Variants in LONRF3 observed in about 807,000 individuals in gnomAD.
LONRF3 encodes the protein LON peptidase N-terminal domain and ring finger 3.
Under a neutral mutation model 51.7 loss-of-function variants are expected in LONRF3, and 19 were observed. The observed-to-expected ratio is 0.37, with a 90% confidence interval of 0.26 to 0.54. LONRF3 has a LOEUF of 0.54. Among genes scored for constraint, LONRF3 ranks in the 20% least tolerant of loss-of-function variants. The pLI is 0.86. For missense variants in LONRF3, 521 were observed against 623.9 expected (o/e 0.84, Z 1.76); for synonymous variants, 265 against 257.8 (o/e 1.03, Z -0.27).
chrX:118,999,309 G>A (rs759855874), intron 5 of LONRF3, among the ~76,000 whole-genome samples: 2 of 111,724 alleles, frequency 1.8e-5, no homozygotes, highest in South Asian at 3.7e-4. Flanking sequence ...AAATGAGCAG[G>A]TTCCTTTCAC....
chrX:119,006,340 A>T, intron 6 of LONRF3, 105 bp downstream of exon 6: 3 of 474,190 alleles, frequency 6.3e-6, no homozygotes, highest in Non-Finnish European at 1.1e-5. Flanking sequence ...CTGGACCCCC[A>T]GCCACGGCAC....
chrX:118,988,880 A>G (rs1432869187), intron 3 of LONRF3, among the ~76,000 whole-genome samples: 1 of 108,407 alleles, frequency 9.2e-6, no homozygotes, highest in Non-Finnish European at 1.9e-5. Context: ...CCAGTGTAAC[A>G]TACAGACCTG....
At chrX:118,995,593 C>G (rs1404377451) in intron 5 of LONRF3, among the ~76,000 whole-genome samples, 5 of 111,691 alleles carry the variant, frequency 4.5e-5, no homozygotes, top group Non-Finnish European at 9.4e-5. Flanking sequence ...AGACCATTAG[C>G]AAGATTTATC....
intron 10 of LONRF3, among the ~76,000 whole-genome samples, chrX:119,016,350 CT>C (rs10640705): frequency 2.5e-4 from 22 of 88,498 alleles, no homozygotes; most frequent in Admixed American, 5.1e-4. Context: ...TTCTTTCTTT[CT>C]TTTTTTTTTT....
chrX:119,012,288 C>A (rs1249916645), intron 8 of LONRF3, among the ~76,000 whole-genome samples: 1 of 108,904 alleles, frequency 9.2e-6, no homozygotes, highest in Non-Finnish European at 1.9e-5. Flanking sequence ...TGAGTTTGAG[C>A]AAGCTATTTA....
rs997841454 is a variant in LONRF3, at chrX:118,987,113, G to A, written c.1060-2295G>A. 1.4e-5 allele frequency: 16 copies of A among 1,108,182 alleles called. No homozygotes were observed. In the African/African-American group the frequency reaches 1.8e-4, roughly 13 times the overall value. The allele number at this position is 1,108,182 out of a possible 1,213,427, so 91.3% of individuals were successfully genotyped here. ...TCAACTCACCCAGCTCGCTCGTGAC[G>A]CTTCGTTTGGCTGTTTTGTGGGCAA... On this transcript the variant is annotated intron_variant, in intron 3 of 10. Transcript: ENST00000371628.
rs190226937 is a variant in LONRF3, at chrX:119,001,626, A to C, written c.1416-4495A>C. Among the ~76,000 whole-genome samples the C allele has an allele frequency of 3.1e-3, 349 of 112,083 alleles. 2 individuals are homozygous for C. Among genetic ancestry groups the C allele is most frequent in the African/African-American group, 0.011 (329 of 30,839 alleles). ...AATGAATTGAGTATTGAAAAGTGTA[A>C]TGTATTCTAAGCATCTGAACCCTGA... On this transcript the variant is annotated intron_variant, in intron 5 of 10. Coordinates refer to ENST00000371628, the MANE Select transcript of LONRF3 (RefSeq NM_001031855.3).
rs1280115275 is a variant in LONRF3 at position 119,012,920 on chromosome X, G to A, written c.1812-119G>A. The A allele has an allele frequency of 4.2e-6, 5 of 1,203,575 alleles. No homozygotes were observed. In the South Asian group the frequency reaches 9.0e-5, roughly 22 times the overall value. ...TAATTGAAGCTGTAACCCAGGGACA[G>A]GAAAATAGGCAGAAGTCCCTTGAGC... On this transcript the variant is annotated intron_variant, in intron 8 of 10. Transcript: ENST00000371628.
At chrX:119,015,253 A>C (rs764368368) in intron 10 of LONRF3, among the ~76,000 whole-genome samples, 3 of 111,770 alleles carry the variant, frequency 2.7e-5, no homozygotes, top group Admixed American at 9.5e-5. Context: ...AAAAGAAAAA[A>C]TCTCAATATG....
At chrX:118,991,171 G>A (rs1236210922) in intron 5 of LONRF3, among the ~76,000 whole-genome samples, 1 of 111,805 alleles carries the variant, frequency 8.9e-6, no homozygotes, top group Non-Finnish European at 1.9e-5. Flanking sequence ...CTTTTGTTTG[G>A]CCCTCATGGG....
Position 118,974,683 on chromosome X carries a change from C to T in LONRF3, c.-98C>T. 1 of 770,526 alleles carries T rather than the reference C, an allele frequency of 1.3e-6. No individual in the cohort carries two copies. Among genetic ancestry groups the T allele is most frequent in the Non-Finnish European group, 1.8e-6 (1 of 542,904 alleles). 63.5% of individuals were successfully genotyped at this position (770,526 alleles called of 1,213,427 possible). A position where few individuals can be genotyped will look rare whatever the true frequency, so the allele number is the denominator to read the frequency against. On this transcript the variant is annotated 5_prime_UTR_variant, in exon 1 of 11. Transcript: ENST00000371628. ...CGCGGCAGGGTCAGGAGCTCGGTGG[C>T]ATGGCGGCGGTGGCTGCCCCGATTT...
rs776516019 is a variant in LONRF3 at position 118,974,842 on chromosome X, T to C, written c.62T>C (p.Leu21Ser). ...CCCGCTGAGGTCAGCAGCGACAACTTGGAGTCGGCGGAGCGAGGGGCATCA... is the reference window on the plus strand; with the variant it reads ...CCCGCTGAGGTCAGCAGCGACAACTCGGAGTCGGCGGAGCGAGGGGCATCA... ...SLPAEVSSDN[L>S]ESAERGASAA... Residue 21 changes from leucine to serine, a missense_variant, in exon 1 of 11, where the codon TTG becomes TCG. Physicochemically the swap from Leu to Ser is moderately radical, Grantham distance 145. This residue lies in a region of LONRF3 where 376 missense variants were observed against 376.7 expected (regional missense o/e 1.00). Coordinates refer to ENST00000371628, the MANE Select transcript of LONRF3 (RefSeq NM_001031855.3). The C allele has an allele frequency of 2.1e-5, 25 of 1,208,256 alleles. No homozygotes were observed. The highest frequency in any genetic ancestry group is 2.8e-5 in the Non-Finnish European group (25 of 894,343).
chrX:119,002,895 T>C (rs936799157), intron 5 of LONRF3, among the ~76,000 whole-genome samples: 1 of 110,138 alleles, frequency 9.1e-6, no homozygotes, highest in African/African-American at 3.3e-5. Flanking sequence ...ACCTCCTGGG[T>C]TCAAGCGATT....
In LONRF3 at chrX:119,009,314, T is replaced by C. The variant is rs1374596793; in HGVS notation, c.1652+67T>C. 7.7e-6 allele frequency: 8 copies of C among 1,036,031 alleles called. No homozygotes were observed. The Admixed American group carries it at 1.3e-4, about 17-fold the overall frequency. The allele number at this position is 1,036,031 out of a possible 1,213,427, so 85.4% of individuals were successfully genotyped here. On this transcript the variant is annotated intron_variant, in intron 7 of 10. Coordinates refer to ENST00000371628, the MANE Select transcript of LONRF3 (RefSeq NM_001031855.3). Reference sequence around the variant, plus strand: ...CTCAATGAGAGCTGAATGTGCACATTACTTCCCAGCTTCCGACTTAGTGAT... The same window carrying C: ...CTCAATGAGAGCTGAATGTGCACATCACTTCCCAGCTTCCGACTTAGTGAT...
Position 118,978,451 on chromosome X carries a change from G to T in LONRF3, c.924G>T (p.Pro308=), listed in dbSNP as rs140224937. 2 of 1,190,543 alleles carry T rather than the reference G, an allele frequency of 1.7e-6. No individual in the cohort carries two copies. Among genetic ancestry groups the T allele is most frequent in the Non-Finnish European group, 1.1e-6 (1 of 877,172 alleles). ...CAGAAATAGCATGTAAGCTCCGCCC[G>T]ATGGGTTTTAAGGTGAGTGTGGGAT... The part of the protein sequence containing the change: ...HDAEIACKLR[P]MGFKAHFRKA... Residue 308 remains proline, a synonymous_variant, in exon 2 of 11, where the codon CCG becomes CCT. Coordinates refer to ENST00000371628, the MANE Select transcript of LONRF3 (RefSeq NM_001031855.3).
intron 5 of LONRF3, among the ~76,000 whole-genome samples, chrX:118,996,625 A>G (rs938980729): frequency 2.7e-5 from 3 of 111,792 alleles, no homozygotes; most frequent in Non-Finnish European, 5.6e-5. Flanking sequence ...CCTCTACAAG[A>G]AAACTACAAA....
chrX:119,014,986 T>A (rs1418801871), intron 10 of LONRF3, among the ~76,000 whole-genome samples: 2 of 111,992 alleles, frequency 1.8e-5, no homozygotes, highest in Non-Finnish European at 3.8e-5. Context: ...GTTTGTTAGG[T>A]TCTACTGATC....
Position 118,975,527 on chromosome X carries a change from G to A in LONRF3, c.747G>A (p.Glu249=), listed in dbSNP as rs1445582405. 4 of 1,204,775 alleles carry A rather than the reference G, an allele frequency of 3.3e-6. No individual in the cohort carries two copies. The highest frequency in any genetic ancestry group is 4.5e-6 in the Non-Finnish European group (4 of 893,088). ...CGCGAGCGTCGCAACTCCGGCACGAGGGCAACCGACTGTACCGCGAGCGCC... is the reference window on the plus strand; with the variant it reads ...CGCGAGCGTCGCAACTCCGGCACGAAGGCAACCGACTGTACCGCGAGCGCC... ...GPARASQLRH[E]GNRLYRERQV... is the part of the protein sequence containing the mutation. The change falls in exon 1 of 11, where the codon GAG becomes GAA. Residue 249 remains glutamate (E), a synonymous_variant. Transcript: ENST00000371628.
At chrX:118,980,060 G>A (rs1004119996) in intron 2 of LONRF3, among the ~76,000 whole-genome samples, 7 of 112,048 alleles carry the variant, frequency 6.2e-5, no homozygotes, top group African/African-American at 2.0e-4. Context: ...TGATTGCCTC[G>A]CAATGATGCA....
Sources: gnomAD v4.1 joint callset for allele counts (sites outside exome capture counted in the v4.1 genomes callset) on GRCh38, gnomAD v4.1.1 for gene constraint, gnomAD v4.1.1 regional missense constraint, MANE v1.5 for transcripts, NCBI Gene and HGNC (gene_info 2026-07-23, HGNC 2026-07-21) for gene names.